The following MEGF6 variants were observed in gnomAD, a reference collection of about 807,000 sequenced individuals.
MEGF6 encodes the protein multiple epidermal growth factor-like domains protein 6.
MEGF6 carries 184 observed loss-of-function variants against 207.1 expected under a neutral mutation model. The ratio of observed to expected loss-of-function variants is 0.89; its 90% CI spans 0.79 to 1.00. MEGF6 has a LOEUF of 1.00. Ranked by LOEUF, MEGF6 falls within the 50% of genes least tolerant of loss-of-function variation. The probability of loss-of-function intolerance (pLI) is 0.00; values close to 1 mark genes in which losing one functional copy is unlikely to be tolerated. For missense variants in MEGF6, 2,282 were observed against 2,202.9 expected, an observed-to-expected ratio of 1.04 and a Z score of -0.72; for synonymous variants, 1,038 against 910.0, an observed-to-expected ratio of 1.14 and a Z score of -2.53.
chr1:3,514,587 C>T lies in MEGF6; in HGVS notation c.816G>A (p.Val272=). Residue 272 remains valine (V), a synonymous_variant, in exon 7 of 37, where the codon GTG becomes GTA. Coordinates refer to ENST00000356575, the MANE Select transcript of MEGF6 (RefSeq NM_001409.4). ...TGCCGTCCGCTGCTAGCTGATAGCCCACGTGGCACTCACAGCGGGCGAGGC... is the reference window on the plus strand; with the variant it reads ...TGCCGTCCGCTGCTAGCTGATAGCCTACGTGGCACTCACAGCGGGCGAGGC... ...VRGLARCECH[V]GYQLAADGKA... 3 of 1,588,538 alleles carry T rather than the reference C, an allele frequency of 1.9e-6. No homozygotes were observed. The South Asian group carries it at 3.4e-5, about 18-fold the overall frequency.
chr1:3,494,075 A>G lies in MEGF6; in HGVS notation c.4179T>C (p.Cys1393=). ...TGGGGTCGCAGGGGGCTCCATGTTG[A>G]CACCAGCACAACCCCTGGCAGCCAG... The part of the protein sequence containing the change: ...HGAGCQGLCW[C]QHGAPCDPIS... The change falls in exon 33 of 37, where the codon TGT becomes TGC. Residue 1393 remains cysteine, a synonymous_variant. Transcript: ENST00000356575. 1 of 1,601,196 alleles carries G rather than the reference A, an allele frequency of 6.2e-7. No individual in the cohort carries two copies. The highest frequency in any genetic ancestry group is 8.5e-7 in the Non-Finnish European group (1 of 1,173,258).
At chr1:3,607,216 G>GA (rs1268234416) in intron 1 of MEGF6, among the ~76,000 whole-genome samples, 1 of 151,750 alleles carries the variant, frequency 6.6e-6, no homozygotes, top group Non-Finnish European at 1.5e-5. Context: ...GACTCACCGA[G>GA]ACCCCTTGCC....
chr1:3,530,689 G>A (rs548898650), intron 4 of MEGF6, among the ~76,000 whole-genome samples: 1 of 152,342 alleles, frequency 6.6e-6, no homozygotes, highest in Non-Finnish European at 1.5e-5. Flanking sequence ...CTGAGCTCTG[G>A]AGACCCCGGA....
chr1:3,499,453 G>T, intron 23 of MEGF6, 135 bp downstream of exon 23: 2 of 1,432,946 alleles, frequency 1.4e-6, no homozygotes, highest in Non-Finnish European at 1.9e-6. Context: ...TCTGGCCCGA[G>T]TGAGCAAAGC....
intron 3 of MEGF6, among the ~76,000 whole-genome samples, chr1:3,580,568 G>GA (rs1346864916): frequency 4.8e-5 from 1 of 20,896 alleles, no homozygotes; most frequent in East Asian, 1.2e-3. Flanking sequence ...TGGAGAGAGA[G>GA]GGGCGCCTTG....
chr1:3,616,815 G>A, the MEGF6 span, among the ~76,000 whole-genome samples: 3 of 152,212 alleles, frequency 2.0e-5, no homozygotes, highest in African/African-American at 7.2e-5. Flanking sequence ...GGGAATCCCG[G>A]AGCAGATGGC....
chr1:3,602,708 G>C (rs1378614277), intron 1 of MEGF6, 108 bp from the exon 2 acceptor site: 7 of 1,450,840 alleles, frequency 4.8e-6, no homozygotes, highest in Non-Finnish European at 6.4e-6. Flanking sequence ...GTGAGGTCCA[G>C]ACCCGTGGCC....
chr1:3,517,840 C>T (rs989631528), intron 5 of MEGF6, among the ~76,000 whole-genome samples: 2 of 152,228 alleles, frequency 1.3e-5, no homozygotes, highest in Non-Finnish European at 2.9e-5. Flanking sequence ...GGCTCACCTG[C>T]GGACAGATGC....
intron 5 of MEGF6, among the ~76,000 whole-genome samples, chr1:3,518,499 G>T (rs1388423496): frequency 6.6e-6 from 1 of 152,076 alleles, no homozygotes; most frequent in Non-Finnish European, 1.5e-5. Context: ...ATCCTGGGCG[G>T]CGGAGGGAGT....
chr1:3,516,722 G>A (rs1641554925), intron 5 of MEGF6, among the ~76,000 whole-genome samples: 1 of 152,206 alleles, frequency 6.6e-6, no homozygotes, highest in African/African-American at 2.4e-5. Context: ...TCTGGGCCCT[G>A]AGAAGGCAAA....
intron 4 of MEGF6, 49 bp from the exon 5 acceptor site, chr1:3,524,295 G>A: frequency 6.3e-6 from 10 of 1,584,328 alleles, no homozygotes; most frequent in Non-Finnish European, 8.6e-6. Flanking sequence ...GTGCCCTCCT[G>A]CTTTGCCAAC....
intron 4 of MEGF6, chr1:3,531,476 G>A (rs1014070800): frequency 7.4e-6 from 8 of 1,075,774 alleles, no homozygotes; most frequent in Non-Finnish European, 9.0e-6. Context: ...GCAGGTAAAG[G>A]CCAAGTCCGC....
intron 13 of MEGF6, among the ~76,000 whole-genome samples, 197 bp from the exon 14 acceptor site, chr1:3,508,120 A>G (rs1184917174): frequency 6.6e-6 from 1 of 152,140 alleles, no homozygotes; most frequent in Non-Finnish European, 1.5e-5. Flanking sequence ...ACACCAGCAG[A>G]GAGAGGAGTC....
intron 4 of MEGF6, among the ~76,000 whole-genome samples, chr1:3,536,680 G>A (rs560570127): frequency 3.7e-4 from 57 of 152,188 alleles, no homozygotes; most frequent in Admixed American, 5.2e-4. Flanking sequence ...GAATGTGTGT[G>A]TGTCAGCAGA....
upstream of MEGF6, among the ~76,000 whole-genome samples, chr1:3,613,714 A>G (rs950296882): frequency 1.3e-5 from 2 of 152,178 alleles, 1 homozygote; most frequent in East Asian, 3.8e-4. Flanking sequence ...CCTCTGGAAG[A>G]AAAATCATAT....
At chr1:3,500,113 G>A (rs981801801) in intron 21 of MEGF6, among the ~76,000 whole-genome samples, 189 bp from the exon 22 acceptor site, 2 of 152,230 alleles carry the variant, frequency 1.3e-5, no homozygotes, top group African/African-American at 2.4e-5. Flanking sequence ...TGGGAGGCTT[G>A]AGGGGGCTCC....
Position 3,505,395 on chromosome 1 carries a change from G to T in MEGF6, c.2053+27C>A, listed in dbSNP as rs200837804. The T allele has an allele frequency of 4.3e-5, 67 of 1,569,132 alleles. 2 individuals carry two copies. Among genetic ancestry groups the T allele is most frequent in the Middle Eastern group, 3.4e-4 (2 of 5,842 alleles). On this transcript the variant is annotated intron_variant, in intron 16 of 36. Transcript: ENST00000356575. Reference sequence around the variant, plus strand: ...GGGTTAACCGACCCTGGCGCCCCCCGCCCCCAGACCCCATGCCTGGACTCA... The same window carrying T: ...GGGTTAACCGACCCTGGCGCCCCCCTCCCCCAGACCCCATGCCTGGACTCA...
intron 3 of MEGF6, among the ~76,000 whole-genome samples, chr1:3,587,353 C>T (rs966274855): frequency 2.6e-5 from 4 of 152,270 alleles, no homozygotes; most frequent in Non-Finnish European, 5.9e-5. Context: ...CCGCCAGGGC[C>T]AGACCAGGAG....
chr1:3,576,570 A>C (rs1350992427), intron 4 of MEGF6, among the ~76,000 whole-genome samples: 1 of 152,094 alleles, frequency 6.6e-6, no homozygotes, highest in Non-Finnish European at 1.5e-5. Flanking sequence ...GAGGGACAGG[A>C]AGGTGATGGT....
Sources: gnomAD v4.1 joint callset for allele counts (sites outside exome capture counted in the v4.1 genomes callset) on GRCh38, gnomAD v4.1.1 for gene constraint, MANE v1.5 for transcripts, NCBI Gene and HGNC (gene_info 2026-07-23, HGNC 2026-07-21) for gene names.